LEPR: variants seen among roughly 807,000 people sequenced by gnomAD.
LEPR encodes the protein OB receptor.
In LEPR, 56 loss-of-function variants were observed where a neutral mutation model predicts 114.7. The observed-to-expected ratio is 0.49, with a 90% CI of 0.39 to 0.61. The LOEUF (loss-of-function observed/expected upper bound fraction) is 0.61, where lower values mean the gene tolerates loss of function less well. Among genes scored for constraint, LEPR ranks in the 20% least tolerant of loss-of-function variants. The pLI is 0.00. For synonymous variants in LEPR, 443 were observed against 461.4 expected (o/e 0.96, Z 0.51); for missense variants, 1,202 against 1,352.9 (o/e 0.89, Z 1.75).
chr1:65,422,664 C>A (rs1415581373), intron 1 of LEPR, among the ~76,000 whole-genome samples: 2 of 152,188 alleles, frequency 1.3e-5, no homozygotes, highest in Non-Finnish European at 2.9e-5. Flanking sequence ...GGAGTATATC[C>A]CAAGTGGGGA....
intron 2 of LEPR, among the ~76,000 whole-genome samples, chr1:65,532,442 T>C (rs1055641184): frequency 2.0e-5 from 3 of 152,166 alleles, no homozygotes; most frequent in African/African-American, 7.2e-5. Flanking sequence ...GTGTTTAAGA[T>C]AGTCATATGG....
At position 65,636,084 on chromosome 1, in the gene LEPR, T is replaced by G. The variant is rs918075050; in HGVS notation, c.2674-107T>G. On this transcript the variant is annotated intron_variant, in intron 19 of 19. Coordinates refer to ENST00000349533, the MANE Select transcript of LEPR (RefSeq NM_002303.6). ...AAAAACTAGTTAATTTGTGGTTGAC[T>G]TATGTTCTTTATTATTAACTTAACA... The G allele has an allele frequency of 1.2e-5, 15 of 1,299,934 alleles. No homozygotes were observed. In the African/African-American group the frequency reaches 1.2e-4, roughly 10 times the overall value. The allele number at this position is 1,299,934 out of a possible 1,614,324, so 80.5% of individuals were successfully genotyped here.
intron 4 of LEPR, among the ~76,000 whole-genome samples, chr1:65,571,733 C>T (rs1654175146): frequency 7.3e-6 from 1 of 136,452 alleles, no homozygotes; most frequent in African/African-American, 2.8e-5. Flanking sequence ...GCGGGCGGAT[C>T]ACTTGAGCTC....
intron 2 of LEPR, among the ~76,000 whole-genome samples, chr1:65,450,095 A>T (rs886740105): frequency 9.2e-5 from 14 of 152,192 alleles, no homozygotes; most frequent in Non-Finnish European, 2.1e-4. Flanking sequence ...TTTTTAGTTT[A>T]ATTCTATTGT....
At chr1:65,626,850 G>T (rs983870688) in intron 19 of LEPR, among the ~76,000 whole-genome samples, 4 of 152,040 alleles carry the variant, frequency 2.6e-5, no homozygotes, top group Non-Finnish European at 5.9e-5. Context: ...GCCCAGGCTG[G>T]TCTCGAACTC....
At chr1:65,500,853 T>C (rs78650744) in intron 2 of LEPR, among the ~76,000 whole-genome samples, 2,065 of 152,242 alleles carry the variant, frequency 0.014, 18 homozygotes, top group Non-Finnish European at 0.021. Flanking sequence ...CTTTGAAAGG[T>C]TATTCTTTAA....
At position 65,636,173 on chromosome 1, in the gene LEPR, A is replaced by G. The variant is rs904137736; in HGVS notation, c.2674-18A>G. The G allele has an allele frequency of 7.4e-6, 12 of 1,613,388 alleles. No individual in the cohort carries two copies. The African/African-American group carries it at 1.5e-4, about 20-fold the overall frequency. ...TTTTTTAACATAATTGAGCCTTAAA[A>G]TGTGTCTTTTCTTTTAGCCAGAAAC... On this transcript the variant is annotated intron_variant, in intron 19 of 19. Coordinates refer to ENST00000349533, the MANE Select transcript of LEPR (RefSeq NM_002303.6).
chr1:65,602,020 T>TA, intron 10 of LEPR, 60 bp downstream of exon 10: 1 of 1,376,138 alleles, frequency 7.3e-7, no homozygotes, highest in Admixed American at 1.7e-5. Flanking sequence ...AAATTTTCTT[T>TA]AGAAATATTA....
At chr1:65,525,653 T>G in intron 2 of LEPR, 3 of 984,766 alleles carry the variant, frequency 3.0e-6, no homozygotes, top group Non-Finnish European at 3.6e-6. Context: ...CCCCACGCAC[T>G]CGGCTGCCCT....
chr1:65,426,143 A>C (rs1050569685), intron 2 of LEPR, among the ~76,000 whole-genome samples: 1 of 139,592 alleles, frequency 7.2e-6, no homozygotes, highest in African/African-American at 3.3e-5. Flanking sequence ...AAAAGTGAGA[A>C]GAAATGTCAA....
chr1:65,496,013 C>T (rs1377709355), intron 2 of LEPR, among the ~76,000 whole-genome samples: 3 of 152,028 alleles, frequency 2.0e-5, no homozygotes, highest in Non-Finnish European at 4.4e-5. Flanking sequence ...TAGTTAACAA[C>T]AATTTATTGT....
intron 2 of LEPR, among the ~76,000 whole-genome samples, chr1:65,445,858 A>AT (rs1239276093): frequency 6.6e-6 from 1 of 152,224 alleles, no homozygotes; most frequent in African/African-American, 2.4e-5. Flanking sequence ...CTCTCTTAAC[A>AT]TTTTAAGGAC....
In LEPR at chr1:65,420,717, C is replaced by T. The variant is rs189950527; in HGVS notation, c.-120C>T. On this transcript the variant is annotated 5_prime_UTR_variant, in exon 1 of 20. Coordinates refer to ENST00000349533, the MANE Select transcript of LEPR (RefSeq NM_002303.6). ...GCCGGAAGCAGCCGCGGCCCCAGTTCGGGAGACATGGCGGGCGTTAAAGGT... is the reference window on the plus strand; with the variant it reads ...GCCGGAAGCAGCCGCGGCCCCAGTTTGGGAGACATGGCGGGCGTTAAAGGT... 462 of 1,583,294 alleles carry T rather than the reference C, an allele frequency of 2.9e-4. 3 individuals are homozygous for T. The East Asian group carries it at 0.01, about 35-fold the overall frequency.
intron 2 of LEPR, among the ~76,000 whole-genome samples, chr1:65,547,900 A>C (rs1448594134): frequency 7.0e-6 from 1 of 142,220 alleles, no homozygotes; most frequent in Non-Finnish European, 1.5e-5. Context: ...TTGTGATGTT[A>C]GGGTGTCAAT....
intron 2 of LEPR, among the ~76,000 whole-genome samples, chr1:65,441,555 GTTTA>G (rs1458342827): frequency 6.6e-6 from 1 of 152,092 alleles, no homozygotes; most frequent in Non-Finnish European, 1.5e-5. Context: ...AAACTTTTTT[GTTTA>G]TTTAATCTTA....
rs1390971943 is a variant in LEPR, at chr1:65,435,006, C to T, written c.-21+9628C>T. ...GCCATTCCCATGACTGCTGCACCTG[C>T]GTTTTTAGAGAATGCCTCATAACCC... On this transcript the variant is annotated intron_variant, in intron 2 of 19. Coordinates refer to ENST00000349533, the MANE Select transcript of LEPR (RefSeq NM_002303.6). 5.2e-5 allele frequency: 51 copies of T among 985,406 alleles called. No individual in the cohort carries two copies. The East Asian group carries it at 4.7e-3, about 90-fold the overall frequency. 61.0% of individuals were successfully genotyped at this position (985,406 alleles called of 1,614,324 possible). A position where few individuals can be genotyped will look rare whatever the true frequency, so the allele number is the denominator to read the frequency against.
chr1:65,618,548 C>G (rs1260689974), intron 16 of LEPR, among the ~76,000 whole-genome samples: 3 of 151,954 alleles, frequency 2.0e-5, no homozygotes, highest in Admixed American at 2.0e-4. Flanking sequence ...TCAGGCTGGT[C>G]TTGAACTCCT....
chr1:65,492,161 A>T (rs1418138638), intron 2 of LEPR, among the ~76,000 whole-genome samples: 1 of 152,072 alleles, frequency 6.6e-6, no homozygotes, highest in African/African-American at 2.4e-5. Flanking sequence ...TTCTGTGCAC[A>T]AGTGGGGGTA....
chr1:65,541,926 A>G (rs1651217202), intron 2 of LEPR, among the ~76,000 whole-genome samples: 1 of 152,206 alleles, frequency 6.6e-6, no homozygotes, highest in Non-Finnish European at 1.5e-5. Context: ...TTCTGCTCAA[A>G]CACTGATTGA....
Sources: gnomAD v4.1 joint callset for allele counts (sites outside exome capture counted in the v4.1 genomes callset) on GRCh38, gnomAD v4.1.1 for gene constraint, MANE v1.5 for transcripts, NCBI Gene and HGNC (gene_info 2026-07-23, HGNC 2026-07-21) for gene names.